The following SBF1 variants were observed in gnomAD, a reference collection of about 807,000 sequenced individuals.
SBF1 encodes the protein SET binding factor 1.
A neutral mutation model predicts 215.8 loss-of-function variants in SBF1; 65 were observed. The observed-to-expected ratio is 0.30, with a 90% CI of 0.25 to 0.37. The LOEUF is 0.37. SBF1 is among the 10% of genes least tolerant of loss of function. SBF1 has a pLI of 1.00. For missense variants in SBF1, 2,634 were observed against 2,667.8 expected, an observed-to-expected ratio of 0.99 and a Z score of 0.28; for synonymous variants, 1,410 against 1,122.8, an observed-to-expected ratio of 1.26 and a Z score of -5.11.
Position 50,458,613 on chromosome 22 carries a change from G to C in SBF1, c.3826+642C>G, listed in dbSNP as rs185987580. Among the ~76,000 whole-genome samples, 17 of 152,374 alleles carry C rather than the reference G, an allele frequency of 1.1e-4. No individual in the cohort carries two copies. The East Asian group carries it at 3.3e-3, about 29-fold the overall frequency. The stretch of plus-strand genomic sequence containing the variant: ...GAAAAACAAAACCACTTCTGAACTA[G>C]AGAACAGGTGGTCCGGACACAGGAG... On this transcript the variant is annotated intron_variant, in intron 28 of 40. Coordinates refer to ENST00000380817, the MANE Select transcript of SBF1 (RefSeq NM_002972.4).
In SBF1 at chr22:50,445,285, G is replaced by C. The variant is rs895205799; in HGVS notation, c.*1857C>G. On this transcript the variant is annotated 3_prime_UTR_variant, in exon 41 of 41. Coordinates refer to ENST00000380817, the MANE Select transcript of SBF1 (RefSeq NM_002972.4). ...CTGACATTTTTCCGTTTGGGGGATG[G>C]GGGGAACCACTTCGCCTAACGCTCA... The C allele has an allele frequency of 6.6e-6, 1 of 152,256 alleles. No homozygotes were observed. Among genetic ancestry groups the C allele is most frequent in the African/African-American group, 2.4e-5 (1 of 41,092 alleles). 9.4% of individuals were successfully genotyped at this position (152,256 alleles called of 1,614,324 possible).
At chr22:50,452,140 TAAAA>T (rs374473892) in intron 36 of SBF1, among the ~76,000 whole-genome samples, 6 of 113,212 alleles carry the variant, frequency 5.3e-5, no homozygotes, top group African/African-American at 9.6e-5. Flanking sequence ...ACTGCTGAAT[TAAAA>T]AAAAAAAAAA....
At chr22:50,459,052 C>A (rs2067384093) in intron 28 of SBF1, among the ~76,000 whole-genome samples, 1 of 152,078 alleles carries the variant, frequency 6.6e-6, no homozygotes, top group Non-Finnish European at 1.5e-5. Flanking sequence ...TCAGGGCACA[C>A]ACCTGGTCTG....
Position 50,454,850 on chromosome 22 carries a change from C to A in SBF1, c.4776G>T (p.Val1592=), listed in dbSNP as rs1203870949. 1 of 1,614,074 alleles carries A rather than the reference C, an allele frequency of 6.2e-7. No individual in the cohort carries two copies. The change falls in exon 35 of 41, where the codon GTG becomes GTT. Residue 1592 remains valine (V), a synonymous_variant. Coordinates refer to ENST00000380817, the MANE Select transcript of SBF1 (RefSeq NM_002972.4). ...CGGGCGCATACATGTAATTGTGGAACACAGGCGTCCTCTTGCTCAGCCGGT... is the reference window on the plus strand; with the variant it reads ...CGGGCGCATACATGTAATTGTGGAAAACAGGCGTCCTCTTGCTCAGCCGGT... The part of the protein sequence containing the change: ...YVDRLSKRTP[V]FHNYMYAPED...
chr22:50,458,446 G>T (rs1188515088), intron 28 of SBF1, among the ~76,000 whole-genome samples: 1 of 152,110 alleles, frequency 6.6e-6, no homozygotes, highest in Non-Finnish European at 1.5e-5. Flanking sequence ...GGTCGGAGAC[G>T]CAAAAGGGAC....
rs749112138 is a variant in SBF1, at chr22:50,465,124, G to A, written c.1209C>T (p.Ala403=). Residue 403 remains alanine, a synonymous_variant, in exon 12 of 41, where the codon GCC becomes GCT. Coordinates refer to ENST00000380817, the MANE Select transcript of SBF1 (RefSeq NM_002972.4). The stretch of plus-strand genomic sequence containing the variant: ...CTACCAGCCCACGCTGGCCCAGGAA[G>A]GCTGCCTGGATGACAGAAGGAGGTC... ...PEPVIRFHKA[A]FLGQRGLVED... 7 of 1,614,032 alleles carry A rather than the reference G, an allele frequency of 4.3e-6. No homozygotes were observed. The highest frequency in any genetic ancestry group is 1.1e-5 in the South Asian group (1 of 91,048).
intron 1 of SBF1, among the ~76,000 whole-genome samples, chr22:50,470,341 C>G (rs2067952053): frequency 6.6e-6 from 1 of 152,202 alleles, no homozygotes; most frequent in African/African-American, 2.4e-5. Context: ...GGAGGATGGG[C>G]AGAGTGGCAG....
chr22:50,473,099 C>T (rs2068052357), intron 1 of SBF1, among the ~76,000 whole-genome samples: 1 of 151,924 alleles, frequency 6.6e-6, no homozygotes, highest in East Asian at 1.9e-4. Flanking sequence ...TTGTGGAGCC[C>T]ACTCTGCCTC....
intron 20 of SBF1, 36 bp downstream of exon 20, chr22:50,461,911 C>T (rs774175079): frequency 1.9e-6 from 3 of 1,614,004 alleles, no homozygotes; most frequent in Non-Finnish European, 2.5e-6. Context: ...CAGCCCCACC[C>T]ATCCAAGGGG....
In SBF1 at chr22:50,462,599, G is replaced by A; in HGVS notation, c.2087C>T (p.Ala696Val). ...FYGDVQTHIR[A>V]LYLEPTEDLA... ...GTCCTCCGTGGGCTCCAGGTAGAGGGCCCGGATGTGAGTCTGCACATCCCC... is the reference window on the plus strand; with the variant it reads ...GTCCTCCGTGGGCTCCAGGTAGAGGACCCGGATGTGAGTCTGCACATCCCC... Residue 696 changes from alanine (A) to valine (V), a missense_variant, in exon 18 of 41, where the codon GCC becomes GTC. Transcript: ENST00000380817. 1 of 1,612,360 alleles carries A rather than the reference G, an allele frequency of 6.2e-7. No homozygotes were observed. Among genetic ancestry groups the A allele is most frequent in the Non-Finnish European group, 8.5e-7 (1 of 1,179,700 alleles).
intron 36 of SBF1, among the ~76,000 whole-genome samples, chr22:50,453,483 G>A (rs1162182194): frequency 6.6e-6 from 1 of 152,150 alleles, no homozygotes; most frequent in African/African-American, 2.4e-5. Flanking sequence ...GGAACCAGAA[G>A]CTCTAAGATG....
chr22:50,465,259 G>C lies in SBF1; in HGVS notation c.1159C>G (p.His387Asp). The stretch of plus-strand genomic sequence containing the variant: ...GGCTCCGGGTGGATGCGCACGACGT[G>C]CAGGCACCAGCGATAGCCCTGCAGC... ...QLLQGYRWCLHVVRIHPEPVI... is the reference protein window; with the variant it reads ...QLLQGYRWCLDVVRIHPEPVI... The change falls in exon 11 of 41, where the codon CAC (histidine) becomes GAC (aspartate). Residue 387 changes from histidine (H) to aspartate (D), a missense_variant. Coordinates refer to ENST00000380817, the MANE Select transcript of SBF1 (RefSeq NM_002972.4). 6.2e-7 allele frequency: 1 copy of C among 1,611,534 alleles called. No individual in the cohort carries two copies. The highest frequency in any genetic ancestry group is 8.5e-7 in the Non-Finnish European group (1 of 1,179,296).
Position 50,474,945 on chromosome 22 carries a change from C to G in SBF1, c.-105G>C. The G allele has an allele frequency of 1.3e-6, 1 of 789,600 alleles. No homozygotes were observed. Among genetic ancestry groups the G allele is most frequent in the Non-Finnish European group, 1.7e-6 (1 of 595,286 alleles). 48.9% of individuals were successfully genotyped at this position (789,600 alleles called of 1,614,324 possible). ...GGCCCCGGCCCTGGACCGCGCACCC[C>G]GGACACCCCTGGTTCGCTCCGCGGC... On this transcript the variant is annotated 5_prime_UTR_variant, in exon 1 of 41. Transcript: ENST00000380817.
At chr22:50,467,010 GACAGACGGGCAGA>G (rs1318951221) in intron 5 of SBF1, 1 of 567,678 alleles carries the variant, frequency 1.8e-6, no homozygotes, top group African/African-American at 2.0e-5. Context: ...AGCTGCACAG[GACAGACGGGCAGA>G]AAGACACGGT....
intron 28 of SBF1, 84 bp from the exon 29 acceptor site, chr22:50,457,195 T>A (rs1021772268): frequency 1.7e-6 from 2 of 1,143,930 alleles, no homozygotes; most frequent in Non-Finnish European, 2.4e-6. Flanking sequence ...GTCAGAGGGT[T>A]CCACCAAGCC....
chr22:50,462,272 G>T lies in SBF1; in HGVS notation c.2329C>A (p.Arg777Ser). The T allele has an allele frequency of 1.2e-6, 2 of 1,612,218 alleles. No homozygotes were observed. The highest frequency in any genetic ancestry group is 1.1e-5 in the South Asian group (1 of 91,092). ...AGCCCGGCACGCTCCCGAAGTAGGC[G>T]GCTCTTGCTGCTGTCCAGGGGCAGG... ...LLLPLDSSKS[R>S]LLRERAGLGD... The change falls in exon 19 of 41, where the codon CGC becomes AGC. Residue 777 changes from arginine (R) to serine (S), a missense_variant. By Grantham distance (110) the Arg-to-Ser change is moderately radical (BLOSUM62 -1). Transcript: ENST00000380817.
chr22:50,470,378 C>A (rs1434423896), intron 1 of SBF1, among the ~76,000 whole-genome samples: 1 of 152,088 alleles, frequency 6.6e-6, no homozygotes, highest in African/African-American at 2.4e-5. Context: ...ACCCTCTCCA[C>A]CCCCCGCTAG....
chr22:50,458,935 G>A (rs1351722215), intron 28 of SBF1, among the ~76,000 whole-genome samples: 3 of 152,234 alleles, frequency 2.0e-5, no homozygotes, highest in African/African-American at 7.2e-5. Flanking sequence ...CAGGCTGTGG[G>A]AAATGGTAAG....
At chr22:50,469,430 GGGGTAAAGGTCCCTGCCT>G (rs2067916253) in intron 1 of SBF1, among the ~76,000 whole-genome samples, 2 of 152,236 alleles carry the variant, frequency 1.3e-5, no homozygotes, top group Admixed American at 1.3e-4. Flanking sequence ...CCACACCGGT[GGGGTAAAGGTCCCTGCCT>G]GTGGCTCACC....
Sources: allele counts gnomAD v4.1 joint callset (sites outside exome capture counted in the v4.1 genomes callset), GRCh38; gene constraint gnomAD v4.1.1; transcripts MANE v1.5; gene names NCBI Gene and HGNC (gene_info 2026-07-23, HGNC 2026-07-21).